TMTC2: variants seen among roughly 807,000 people sequenced by gnomAD.
TMTC2 encodes the protein transmembrane O-mannosyltransferase targeting cadherins 2, also known as protein O-mannosyl-transferase TMTC2.
In TMTC2, 43 loss-of-function variants were observed where a neutral mutation model predicts 82.4. The observed-to-expected ratio is 0.52, with a 90% CI of 0.41 to 0.67. The LOEUF (loss-of-function observed/expected upper bound fraction) is 0.67, where lower values mean the gene tolerates loss of function less well. Among genes scored for constraint, TMTC2 ranks in the 30% least tolerant of loss-of-function variants. The pLI is 0.00. For missense variants in TMTC2, 919 were observed against 1,012.4 expected (o/e 0.91, Z 1.25); for synonymous variants, 408 against 381.9 (o/e 1.07, Z -0.80).
chr12:82,845,372 G>T (rs945481490), intron 1 of TMTC2, among the ~76,000 whole-genome samples: 1 of 147,046 alleles, frequency 6.8e-6, no homozygotes, highest in Admixed American at 6.9e-5. Flanking sequence ...TTTTGAAAAT[G>T]AACTTTTTAA....
rs148436949 is a variant in TMTC2, at chr12:82,938,705, G to T, written c.1598+8160G>T. On this transcript the variant is annotated intron_variant, in intron 4 of 11. Coordinates refer to ENST00000321196, the MANE Select transcript of TMTC2 (RefSeq NM_152588.3). ...TTGCAGGTACCTGTGTTTTCATGTG[G>T]CAAGAGCAAGGCCTAATGCCTAGTA... Among the ~76,000 whole-genome samples, 1,316 of 152,230 alleles carry T rather than the reference G, an allele frequency of 8.6e-3. 21 individuals carry two copies. Among genetic ancestry groups the T allele is most frequent in the African/African-American group, 0.03 (1,245 of 41,516 alleles).
At chr12:82,790,812 G>A (rs867578438) in intron 1 of TMTC2, among the ~76,000 whole-genome samples, 8 of 150,198 alleles carry the variant, frequency 5.3e-5, no homozygotes, top group Admixed American at 3.3e-4. Flanking sequence ...GGGCAATAAG[G>A]GTGAAACTCT....
chr12:82,840,521 GA>G (rs1870274852), intron 1 of TMTC2, among the ~76,000 whole-genome samples: 1 of 152,248 alleles, frequency 6.6e-6, no homozygotes, highest in East Asian at 1.9e-4. Context: ...CTTGTACATA[GA>G]AAAAATATTA....
intron 1 of TMTC2, among the ~76,000 whole-genome samples, chr12:82,694,179 A>G (rs2136887689): frequency 6.6e-6 from 1 of 152,230 alleles, no homozygotes; most frequent in East Asian, 1.9e-4. Context: ...TTAAAAGTTG[A>G]TAGCATTTTT....
intron 7 of TMTC2, among the ~76,000 whole-genome samples, chr12:82,983,939 T>C (rs1401855530): frequency 6.6e-6 from 1 of 152,058 alleles, no homozygotes; most frequent in Non-Finnish European, 1.5e-5. Context: ...AATTATTATT[T>C]CCTTTATTTG....
chr12:82,831,161 G>T (rs985254518), intron 1 of TMTC2, among the ~76,000 whole-genome samples: 19 of 152,138 alleles, frequency 1.2e-4, no homozygotes, highest in African/African-American at 4.6e-4. Context: ...GACTTTGATG[G>T]CAAATGACAG....
At chr12:82,780,570 A>G (rs1045409896) in intron 1 of TMTC2, among the ~76,000 whole-genome samples, 1 of 152,134 alleles carries the variant, frequency 6.6e-6, no homozygotes, top group Non-Finnish European at 1.5e-5. Flanking sequence ...TCACAAAGTT[A>G]GTTTGCATGC....
At chr12:82,924,294 T>C (rs958116971) in intron 3 of TMTC2, among the ~76,000 whole-genome samples, 16 of 152,234 alleles carry the variant, frequency 1.1e-4, no homozygotes, top group Admixed American at 3.9e-4. Flanking sequence ...GAGGGTTTTA[T>C]TTTGATTGGA....
intron 7 of TMTC2, among the ~76,000 whole-genome samples, chr12:82,983,904 G>A (rs1284797365): frequency 6.6e-6 from 1 of 151,914 alleles, no homozygotes; most frequent in Non-Finnish European, 1.5e-5. Context: ...GTTTTAATAT[G>A]AAGTGATTCA....
chr12:82,738,258 A>G (rs1032455764), intron 1 of TMTC2, among the ~76,000 whole-genome samples: 1 of 152,226 alleles, frequency 6.6e-6, no homozygotes, highest in Non-Finnish European at 1.5e-5. Flanking sequence ...CATTGTTCAT[A>G]AAAGTGCATC....
chr12:82,995,989 G>C (rs772916127), intron 8 of TMTC2, among the ~76,000 whole-genome samples: 5 of 151,898 alleles, frequency 3.3e-5, no homozygotes, highest in Non-Finnish European at 5.9e-5. Context: ...ATACATATGT[G>C]GTATCTCATG....
At chr12:83,069,157 C>G (rs568248841) in intron 11 of TMTC2, among the ~76,000 whole-genome samples, 2 of 151,940 alleles carry the variant, frequency 1.3e-5, no homozygotes, top group African/African-American at 4.8e-5. Context: ...TGAATTGTGC[C>G]ACTATAAACA....
intron 2 of TMTC2, among the ~76,000 whole-genome samples, chr12:82,885,996 CTCAT>C (rs1357169476): frequency 6.6e-6 from 1 of 152,140 alleles, no homozygotes; most frequent in African/African-American, 2.4e-5. Flanking sequence ...TGTTTCTTCT[CTCAT>C]TTATTTATTT....
intron 8 of TMTC2, among the ~76,000 whole-genome samples, chr12:83,020,290 A>G (rs186175159): frequency 2.0e-4 from 30 of 152,154 alleles, no homozygotes; most frequent in Non-Finnish European, 4.1e-4. Flanking sequence ...TGCCCAACAA[A>G]TATTCATCGG....
rs116972840 is a variant in TMTC2, at chr12:82,768,906, T to C, written c.83+81237T>C. Among the ~76,000 whole-genome samples, 389 of 152,184 alleles carry C rather than the reference T, an allele frequency of 2.6e-3. 11 individuals are homozygous for C. In the East Asian group the frequency reaches 0.063, roughly 25 times the overall value. The stretch of plus-strand genomic sequence containing the variant: ...TTGTGACAATTGAGCATGCTAATGC[T>C]TTTTCCTTAATGAGGCTTCCACACC... On this transcript the variant is annotated intron_variant, in intron 1 of 11. Coordinates refer to ENST00000321196, the MANE Select transcript of TMTC2 (RefSeq NM_152588.3).
At chr12:82,910,217 G>A (rs1415941248) in intron 3 of TMTC2, among the ~76,000 whole-genome samples, 1 of 152,228 alleles carries the variant, frequency 6.6e-6, no homozygotes, top group African/African-American at 2.4e-5. Context: ...AGGATTTGAT[G>A]TAGAGGAAGT....
chr12:82,721,578 C>G (rs1278387816), intron 1 of TMTC2, among the ~76,000 whole-genome samples: 1 of 152,100 alleles, frequency 6.6e-6, no homozygotes, highest in African/African-American at 2.4e-5. Flanking sequence ...CCACTACATC[C>G]AACAGTTAAC....
At chr12:83,018,230 C>A (rs1039390582) in intron 8 of TMTC2, among the ~76,000 whole-genome samples, 1 of 151,978 alleles carries the variant, frequency 6.6e-6, no homozygotes, top group Non-Finnish European at 1.5e-5. Flanking sequence ...CCTTTGTGAC[C>A]CAGCTGCAAA....
At chr12:82,870,013 A>C (rs565494166) in intron 2 of TMTC2, among the ~76,000 whole-genome samples, 1 of 152,298 alleles carries the variant, frequency 6.6e-6, no homozygotes, top group East Asian at 1.9e-4. Flanking sequence ...TGCTTAAAAA[A>C]TTAGTTTATG....
Sources: allele counts gnomAD v4.1 joint callset (sites outside exome capture counted in the v4.1 genomes callset), GRCh38; gene constraint gnomAD v4.1.1; transcripts MANE v1.5; gene names NCBI Gene and HGNC (gene_info 2026-07-23, HGNC 2026-07-21).